DLGAP2: variants seen among roughly 807,000 people sequenced by gnomAD.
The protein encoded by DLGAP2 is DLG associated protein 2.
In DLGAP2, 26 loss-of-function variants were observed where a neutral mutation model predicts 100.3. The ratio of observed to expected loss-of-function variants is 0.26; its 90% CI spans 0.19 to 0.36. DLGAP2 has a LOEUF of 0.36. Ranked by LOEUF, DLGAP2 falls within the 10% of genes least tolerant of loss-of-function variation. The pLI is 1.00. For synonymous variants in DLGAP2, 886 were observed against 630.1 expected, an observed-to-expected ratio of 1.41 and a Z score of -6.08; for missense variants, 1,858 against 1,453.2, an observed-to-expected ratio of 1.28 and a Z score of -4.53.
Position 1,330,806 on chromosome 8 carries a change from CGAGTTCTGGGTGGGACT to C in DLGAP2, c.106+71939_106+71955del, listed in dbSNP as rs553837254. The stretch of plus-strand genomic sequence containing the variant: ...GGTGGGAGCACTGCTTCACGGGGAC[CGAGTTCTGGGTGGGACT>C]GAGTTCTGGGTGGGAGCACAGCTTC... On this transcript the variant is annotated intron_variant, in intron 3 of 14. Coordinates refer to ENST00000637795, the MANE Select transcript of DLGAP2 (RefSeq NM_001346810.2). Among the ~76,000 whole-genome samples the C allele has an allele frequency of 2.6e-3, 276 of 107,446 alleles. 4 individuals are homozygous for C. The highest frequency in any genetic ancestry group is 9.9e-3 in the African/African-American group (254 of 25,676). 70.5% of individuals were successfully genotyped at this position (107,446 alleles called of 152,430 possible).
intron 3 of DLGAP2, among the ~76,000 whole-genome samples, chr8:1,276,723 A>G (rs1446598384): frequency 1.3e-5 from 2 of 151,956 alleles, no homozygotes; most frequent in Admixed American, 6.6e-5. Flanking sequence ...TTATTGGCCA[A>G]ATGTCTTGGT....
intron 2 of DLGAP2, among the ~76,000 whole-genome samples, chr8:1,164,501 T>G (rs1796975786): frequency 6.6e-6 from 1 of 151,920 alleles, no homozygotes; most frequent in South Asian, 2.1e-4. Flanking sequence ...GTTAACCAGG[T>G]AACCAGGTTG....
At chr8:1,647,185 C>A (rs151224525) in intron 8 of DLGAP2, among the ~76,000 whole-genome samples, 1 of 152,146 alleles carries the variant, frequency 6.6e-6, no homozygotes, top group South Asian at 2.1e-4. Flanking sequence ...GGATCTGGAA[C>A]TGAAGTCTCC....
chr8:1,501,873 T>G (rs1799735650), intron 4 of DLGAP2, among the ~76,000 whole-genome samples: 1 of 152,136 alleles, frequency 6.6e-6, no homozygotes, highest in Admixed American at 6.5e-5. Flanking sequence ...TGCGCTTCCT[T>G]CCAAGGGCCC....
rs151290372 is a variant in DLGAP2 at position 1,702,193 on chromosome 8, A to T, written c.*787A>T. On this transcript the variant is annotated 3_prime_UTR_variant, in exon 15 of 15. Coordinates refer to ENST00000637795, the MANE Select transcript of DLGAP2 (RefSeq NM_001346810.2). Reference sequence around the variant, plus strand: ...GGGCTGGGAGCTTAAAAGGAAAACAATGTCCTTACTTGTAAACAGTTATTG... The same window carrying T: ...GGGCTGGGAGCTTAAAAGGAAAACATTGTCCTTACTTGTAAACAGTTATTG... 6.6e-6 allele frequency: 1 copy of T among 152,114 alleles called. No homozygotes were observed. Among genetic ancestry groups the T allele is most frequent in the East Asian group, 1.9e-4 (1 of 5,188 alleles). The allele number at this position is 152,114 out of a possible 1,614,324, so 9.4% of individuals were successfully genotyped here.
At chr8:1,484,875 C>T (rs914525989) in intron 3 of DLGAP2, among the ~76,000 whole-genome samples, 1 of 152,186 alleles carries the variant, frequency 6.6e-6, no homozygotes, top group Non-Finnish European at 1.5e-5. Context: ...CAGACCTGGT[C>T]TCTCAGCCTT....
rs187395437 is a variant in DLGAP2, at chr8:1,068,187, G to T, written c.73+160221G>T. On this transcript the variant is annotated intron_variant, in intron 2 of 14. Coordinates refer to ENST00000637795, the MANE Select transcript of DLGAP2 (RefSeq NM_001346810.2). ...CTATTCCACTGTCTGAATGCTCATA[G>T]TTTATCTGTTCCCTTATGAGGGGCA... Among the ~76,000 whole-genome samples the T allele has an allele frequency of 4.6e-3, 699 of 152,284 alleles. 6 individuals carry two copies. Among genetic ancestry groups the T allele is most frequent in the Non-Finnish European group, 5.4e-3 (369 of 68,020 alleles).
Position 1,553,463 on chromosome 8 carries a change from G to GGCAGCAGCCCCATTTTGTTTGGCGTGT in DLGAP2, c.1230+3780_1230+3781insGCAGCAGCCCCATTTTGTTTGGCGTGT, listed in dbSNP as rs1426687227. 7.2e-5 allele frequency among the ~76,000 whole-genome samples: 11 copies of GGCAGCAGCCCCATTTTGTTTGGCGTGT among 152,238 alleles called. No homozygotes were observed. In the East Asian group the frequency reaches 1.9e-3, roughly 27 times the overall value. Reference sequence around the variant, plus strand: ...CCCTGTTTTATTCGGCGTGTTCACGGTCAGCAGCCCCGTTGTGCTTGGCGT... The same window carrying GGCAGCAGCCCCATTTTGTTTGGCGTGT: ...CCCTGTTTTATTCGGCGTGTTCACGGGCAGCAGCCCCATTTTGTTTGGCGTGTTCAGCAGCCCCGTTGTGCTTGGCGT... On this transcript the variant is annotated intron_variant, in intron 5 of 14. Transcript: ENST00000637795.
At chr8:1,216,054 T>C (rs1353167630) in intron 2 of DLGAP2, among the ~76,000 whole-genome samples, 2 of 152,230 alleles carry the variant, frequency 1.3e-5, no homozygotes, top group Non-Finnish European at 2.9e-5. Flanking sequence ...GGTGCATCTG[T>C]GCATTGGTTG....
At chr8:1,682,630 G>A (rs1407155340) in intron 12 of DLGAP2, among the ~76,000 whole-genome samples, 2 of 148,016 alleles carry the variant, frequency 1.4e-5, no homozygotes, top group Non-Finnish European at 3.1e-5. Context: ...ACGCACCACA[G>A]CACCTGGCTA....
intron 6 of DLGAP2, among the ~76,000 whole-genome samples, chr8:1,578,826 G>A (rs1803102828): frequency 6.6e-6 from 1 of 152,190 alleles, no homozygotes; most frequent in South Asian, 2.1e-4. Flanking sequence ...ATGCCCTGGT[G>A]TACAGACCCT....
chr8:1,283,025 C>T (rs1200287468), intron 3 of DLGAP2, among the ~76,000 whole-genome samples: 1 of 138,300 alleles, frequency 7.2e-6, no homozygotes, highest in Non-Finnish European at 1.6e-5. Flanking sequence ...GTGACCTGAG[C>T]CCAGCACGTG....
chr8:1,093,222 C>G (rs546073468), intron 2 of DLGAP2, among the ~76,000 whole-genome samples: 4 of 152,116 alleles, frequency 2.6e-5, no homozygotes, highest in Non-Finnish European at 5.9e-5. Flanking sequence ...CACCTTCACA[C>G]CAACAGCCAG....
At chr8:1,602,189 G>T (rs2130705876) in intron 6 of DLGAP2, among the ~76,000 whole-genome samples, 1 of 152,342 alleles carries the variant, frequency 6.6e-6, no homozygotes, top group East Asian at 1.9e-4. Flanking sequence ...ATTAATGTTT[G>T]TTGAATGGCC....
At chr8:1,432,729 G>A (rs1283883274) in intron 3 of DLGAP2, among the ~76,000 whole-genome samples, 1 of 152,220 alleles carries the variant, frequency 6.6e-6, no homozygotes, top group African/African-American at 2.4e-5. Flanking sequence ...TGAGATGCCA[G>A]GGCCTCTGGG....
chr8:1,285,057 G>A (rs898966070), intron 3 of DLGAP2, among the ~76,000 whole-genome samples: 59 of 152,234 alleles, frequency 3.9e-4, no homozygotes, highest in African/African-American at 1.3e-3. Context: ...GCACTATCAT[G>A]CCCATGCCAT....
chr8:746,800 C>G (rs1290047167), intron 1 of DLGAP2, among the ~76,000 whole-genome samples: 2 of 152,244 alleles, frequency 1.3e-5, no homozygotes, highest in Admixed American at 1.3e-4. Flanking sequence ...TCCTCAGCAA[C>G]CAGGTTCCCT....
At position 1,231,298 on chromosome 8, in the gene DLGAP2, C is replaced by G. The variant is rs1049700301; in HGVS notation, c.74-27553C>G. Among the ~76,000 whole-genome samples the G allele has an allele frequency of 2.0e-5, 3 of 152,160 alleles. No individual in the cohort carries two copies. The East Asian group carries it at 5.8e-4, about 29-fold the overall frequency. On this transcript the variant is annotated intron_variant, in intron 2 of 14. Coordinates refer to ENST00000637795, the MANE Select transcript of DLGAP2 (RefSeq NM_001346810.2). ...CAAACCACAATGAGATACCATCTCA[C>G]GCCAGTCAGAATGACTATTATTAAA...
intron 3 of DLGAP2, among the ~76,000 whole-genome samples, chr8:1,271,433 C>T (rs1799581191): frequency 6.6e-6 from 1 of 152,152 alleles, no homozygotes; most frequent in African/African-American, 2.4e-5. Context: ...TTATGAACCT[C>T]CTTGTGCATT....
Sources: gnomAD v4.1 joint callset for allele counts (sites outside exome capture counted in the v4.1 genomes callset) on GRCh38, gnomAD v4.1.1 for gene constraint, MANE v1.5 for transcripts, NCBI Gene and HGNC (gene_info 2026-07-23, HGNC 2026-07-21) for gene names.